The following FAM135B variants were observed in gnomAD, a reference collection of about 807,000 sequenced individuals.
FAM135B encodes family with sequence similarity 135 member B, also known as protein FAM135B.
A neutral mutation model predicts 127.7 loss-of-function variants in FAM135B; 43 were observed. The observed-to-expected ratio is 0.34, with a 90% CI of 0.26 to 0.43. The LOEUF (loss-of-function observed/expected upper bound fraction) is 0.43. Ranked by LOEUF, FAM135B falls within the 20% of genes least tolerant of loss-of-function variation. FAM135B has a pLI of 1.00. For missense variants in FAM135B, 1,558 were observed against 1,725.6 expected (o/e 0.90, Z 1.72); for synonymous variants, 670 against 665.1 (o/e 1.01, Z -0.11).
intron 2 of FAM135B, among the ~76,000 whole-genome samples, chr8:138,336,470 T>C (rs896516000): frequency 4.6e-5 from 7 of 152,130 alleles, no homozygotes; most frequent in African/African-American, 1.4e-4. Context: ...CAGAGAATAC[T>C]ATAAACACCT....
At position 138,141,935 on chromosome 8, in the gene FAM135B, T is replaced by C. The variant is rs1172502918; in HGVS notation, c.3639-586A>G. 6.6e-6 allele frequency among the ~76,000 whole-genome samples: 1 copy of C among 152,190 alleles called. No individual in the cohort carries two copies. Among genetic ancestry groups the C allele is most frequent in the Non-Finnish European group, 1.5e-5 (1 of 68,040 alleles). On this transcript the variant is annotated intron_variant, in intron 16 of 19. Coordinates refer to ENST00000395297, the MANE Select transcript of FAM135B (RefSeq NM_015912.4). This position sits in a 1 kb window ranked among gnomAD's most constrained non-coding sequence, Gnocchi z 4.7. ...ATACTTATTTATTGAGAGCCTATTATATGAGAGGCTATACCTCCCCACCTC... is the reference window on the plus strand; with the variant it reads ...ATACTTATTTATTGAGAGCCTATTACATGAGAGGCTATACCTCCCCACCTC...
chr8:138,438,015 T>G (rs550373481), intron 1 of FAM135B: 6 of 152,294 alleles, frequency 3.9e-5, no homozygotes, highest in Admixed American at 2.0e-4. Flanking sequence ...AAGAACTTAT[T>G]TGTGCTTCAA....
intron 19 of FAM135B, 107 bp downstream of exon 19, chr8:138,137,040 A>G (rs1272026208): frequency 2.9e-6 from 2 of 679,986 alleles, no homozygotes; most frequent in Non-Finnish European, 5.4e-6. Context: ...AGATAAATGC[A>G]GCACTAAACC....
At position 138,370,483 on chromosome 8, in the gene FAM135B, G is replaced by A. The variant is rs186207274; in HGVS notation, c.-19-2481C>T. ...TTGTTTGTTTTTGAGATGGAGTCTC[G>A]CACTGTCACCCAGGCTGGAGTGCAG... On this transcript the variant is annotated intron_variant, in intron 1 of 19. Coordinates refer to ENST00000395297, the MANE Select transcript of FAM135B (RefSeq NM_015912.4). Among the ~76,000 whole-genome samples, 312 of 152,076 alleles carry A rather than the reference G, an allele frequency of 2.1e-3. 2 individuals are homozygous for A. Among genetic ancestry groups the A allele is most frequent in the African/African-American group, 7.1e-3 (295 of 41,506 alleles).
At chr8:138,299,328 T>C (rs1248322497) in intron 3 of FAM135B, among the ~76,000 whole-genome samples, 2 of 152,114 alleles carry the variant, frequency 1.3e-5, no homozygotes. Context: ...TCATCCACTA[T>C]CATGAAAAGT....
At chr8:138,240,429 A>C (rs1820662736) in intron 7 of FAM135B, among the ~76,000 whole-genome samples, 1 of 152,232 alleles carries the variant, frequency 6.6e-6, no homozygotes, top group South Asian at 2.1e-4. Context: ...CTCACTCCAC[A>C]GCTGCCTCCC....
At chr8:138,316,926 G>A (rs1827143843) in intron 2 of FAM135B, among the ~76,000 whole-genome samples, 2 of 151,498 alleles carry the variant, frequency 1.3e-5, no homozygotes, top group Admixed American at 6.6e-5. Context: ...CTTGCAGTGA[G>A]CCGTGACCGC....
chr8:138,238,489 GAA>G (rs1363548083), intron 7 of FAM135B, among the ~76,000 whole-genome samples: 2 of 152,138 alleles, frequency 1.3e-5, no homozygotes, highest in Non-Finnish European at 2.9e-5. Flanking sequence ...CTGTAGGAAA[GAA>G]AAGAGGCCAC....
At chr8:138,311,948 A>G (rs932536991) in intron 2 of FAM135B, among the ~76,000 whole-genome samples, 1 of 152,134 alleles carries the variant, frequency 6.6e-6, no homozygotes, top group Admixed American at 6.5e-5. Context: ...TATCTGTAAA[A>G]TGAATATATA....
intron 17 of FAM135B, among the ~76,000 whole-genome samples, chr8:138,140,447 T>C (rs1817034378): frequency 6.6e-6 from 1 of 152,216 alleles, no homozygotes; most frequent in South Asian, 2.1e-4. Flanking sequence ...AATGCCCTCC[T>C]TGGGCTTCCA....
intron 1 of FAM135B, among the ~76,000 whole-genome samples, chr8:138,451,594 T>A (rs1445209246): frequency 1.3e-5 from 2 of 152,176 alleles, no homozygotes; most frequent in African/African-American, 4.8e-5. Context: ...GGGAATCAAA[T>A]GAACATAGAG....
chr8:138,433,566 T>A (rs539519892), intron 1 of FAM135B, among the ~76,000 whole-genome samples: 65 of 145,960 alleles, frequency 4.5e-4, no homozygotes, highest in Admixed American at 3.4e-3. Context: ...AATAAATAAA[T>A]AAAATAATTT....
At chr8:138,180,508 GGT>G (rs1814912588) in intron 9 of FAM135B, among the ~76,000 whole-genome samples, 1 of 152,014 alleles carries the variant, frequency 6.6e-6, no homozygotes, top group Non-Finnish European at 1.5e-5. Context: ...ACTGCTTTTG[GGT>G]GTAAAATATG....
intron 2 of FAM135B, among the ~76,000 whole-genome samples, chr8:138,314,396 A>G (rs145424739): frequency 6.6e-6 from 1 of 152,244 alleles, no homozygotes; most frequent in African/African-American, 2.4e-5. Context: ...ACAAAGGACT[A>G]TTATCTAGGA....
intron 12 of FAM135B, among the ~76,000 whole-genome samples, chr8:138,155,993 A>T (rs987423683): frequency 2.0e-5 from 3 of 152,198 alleles, no homozygotes; most frequent in African/African-American, 7.2e-5. Context: ...CAGAATATAC[A>T]TTCTTCTCAG....
intron 1 of FAM135B, among the ~76,000 whole-genome samples, chr8:138,490,136 T>C (rs1318141720): frequency 6.6e-6 from 1 of 152,226 alleles, no homozygotes; most frequent in Non-Finnish European, 1.5e-5. Flanking sequence ...ACTGCCTTCA[T>C]TTCACAATTG....
At chr8:138,429,229 T>C (rs1313165384) in intron 1 of FAM135B, among the ~76,000 whole-genome samples, 1 of 152,198 alleles carries the variant, frequency 6.6e-6, no homozygotes, top group Non-Finnish European at 1.5e-5. Flanking sequence ...CTCACTTCAC[T>C]GTAATTTATT....
At chr8:138,264,448 T>C (rs1375209445) in intron 4 of FAM135B, among the ~76,000 whole-genome samples, 2 of 152,140 alleles carry the variant, frequency 1.3e-5, no homozygotes, top group African/African-American at 4.8e-5. Flanking sequence ...CCAGTGAGGG[T>C]GCAAACTCCT....
intron 1 of FAM135B, among the ~76,000 whole-genome samples, chr8:138,388,990 G>C (rs976926674): frequency 6.6e-6 from 1 of 152,098 alleles, no homozygotes; most frequent in Non-Finnish European, 1.5e-5. Context: ...GGTCATACAG[G>C]TGTGGAGTCA....
Sources: gnomAD v4.1 joint callset for allele counts (sites outside exome capture counted in the v4.1 genomes callset) on GRCh38, gnomAD v4.1.1 for gene constraint, Gnocchi (gnomAD v3.1) non-coding constraint, MANE v1.5 for transcripts, NCBI Gene and HGNC (gene_info 2026-07-23, HGNC 2026-07-21) for gene names.